Variants in TSR1 observed in about 807,000 individuals in gnomAD.
TSR1 encodes TSR1 ribosome maturation factor.
TSR1 carries 81 observed loss-of-function variants against 90.9 expected under a neutral mutation model. That is an observed-to-expected ratio of 0.89 (90% CI 0.74 to 1.07). TSR1 has a LOEUF of 1.07. Among genes scored for constraint, TSR1 ranks in the 50% least tolerant of loss-of-function variants. The probability of loss-of-function intolerance (pLI) is 0.00; values close to 1 mark genes in which losing one functional copy is unlikely to be tolerated. For missense variants in TSR1, 989 were observed against 987.3 expected, an observed-to-expected ratio of 1.00 and a Z score of -0.02; for synonymous variants, 362 against 348.8, an observed-to-expected ratio of 1.04 and a Z score of -0.42.
chr17:2,323,822 T>G lies in TSR1; in HGVS notation c.*374A>C, dbSNP rs767563893. The G allele has an allele frequency of 3.7e-6, 6 of 1,614,176 alleles. No homozygotes were observed. The highest frequency in any genetic ancestry group is 5.1e-6 in the Non-Finnish European group (6 of 1,180,036). ...ATGTAGACTTAACCTCCTCCATAACTTGGGTGAAGCAGGCTGAAAGGCCAG... is the reference window on the plus strand; with the variant it reads ...ATGTAGACTTAACCTCCTCCATAACGTGGGTGAAGCAGGCTGAAAGGCCAG... On this transcript the variant is annotated 3_prime_UTR_variant, in exon 15 of 15. Coordinates refer to ENST00000301364, the MANE Select transcript of TSR1 (RefSeq NM_018128.5).
chr17:2,331,873 A>G (rs1173784235), intron 8 of TSR1, among the ~76,000 whole-genome samples: 1 of 152,160 alleles, frequency 6.6e-6, no homozygotes, highest in Non-Finnish European at 1.5e-5. Flanking sequence ...TAAAATTTCC[A>G]AACATTATAT....
Position 2,324,568 on chromosome 17 carries a change from C to T in TSR1, c.2172G>A (p.Leu724=). Residue 724 remains leucine (L), a synonymous_variant, in exon 14 of 15, where the codon CTG becomes CTA. Transcript: ENST00000301364. The part of the protein sequence containing the change: ...RYMFFNREDV[L]WFKPVELRTK... ...TTCTCAGTTCCACTGGTTTAAACCACAGCACATCCTCTTAGAATCAAACAC... is the reference window on the plus strand; with the variant it reads ...TTCTCAGTTCCACTGGTTTAAACCATAGCACATCCTCTTAGAATCAAACAC... 2 of 1,614,194 alleles carry T rather than the reference C, an allele frequency of 1.2e-6. No individual in the cohort carries two copies. Among genetic ancestry groups the T allele is most frequent in the Non-Finnish European group, 1.7e-6 (2 of 1,180,036 alleles).
Position 2,323,921 on chromosome 17 carries a change from G to A in TSR1, c.*275C>T. On this transcript the variant is annotated 3_prime_UTR_variant, in exon 15 of 15. Coordinates refer to ENST00000301364, the MANE Select transcript of TSR1 (RefSeq NM_018128.5). ...GAATTCAGTGTCTTTAGATACTGAAGACATTTTGTTTCCTAGTATTGTCAA... is the reference window on the plus strand; with the variant it reads ...GAATTCAGTGTCTTTAGATACTGAAAACATTTTGTTTCCTAGTATTGTCAA... 6.6e-7 allele frequency: 1 copy of A among 1,516,688 alleles called. No homozygotes were observed. The highest frequency in any genetic ancestry group is 9.1e-7 in the Non-Finnish European group (1 of 1,098,112). The allele number at this position is 1,516,688 out of a possible 1,614,324, so 94.0% of individuals were successfully genotyped here. A position where few individuals can be genotyped will look rare whatever the true frequency, so the allele number is the denominator to read the frequency against.
intron 8 of TSR1, among the ~76,000 whole-genome samples, 178 bp from the exon 9 acceptor site, chr17:2,331,287 C>A (rs1350078777): frequency 6.6e-6 from 1 of 152,200 alleles, no homozygotes; most frequent in Non-Finnish European, 1.5e-5. Flanking sequence ...CAAGTTCTAT[C>A]GGAACCAAAC....
chr17:2,334,922 A>G (rs778605548), intron 4 of TSR1, 26 bp from the exon 5 acceptor site: 1 of 1,589,356 alleles, frequency 6.3e-7, no homozygotes, highest in South Asian at 1.1e-5. Flanking sequence ...AAAACGCTTC[A>G]TGACCTACTG....
At chr17:2,331,854 C>A (rs538835830) in intron 8 of TSR1, among the ~76,000 whole-genome samples, 1 of 152,288 alleles carries the variant, frequency 6.6e-6, no homozygotes, top group African/African-American at 2.4e-5. Flanking sequence ...CTATTCTACC[C>A]AAACCCCCTA....
At chr17:2,333,486 C>A (rs766814220) in intron 6 of TSR1, 71 bp downstream of exon 6, 1 of 1,598,348 alleles carries the variant, frequency 6.3e-7, no homozygotes, top group Non-Finnish European at 8.6e-7. Context: ...ATAGGGCCCT[C>A]ACTTGGAACA....
chr17:2,330,518 C>A lies in TSR1; in HGVS notation c.1767G>T (p.Gln589His). The A allele has an allele frequency of 6.2e-7, 1 of 1,612,614 alleles. No individual in the cohort carries two copies. The highest frequency in any genetic ancestry group is 2.2e-5 in the East Asian group (1 of 44,870). Residue 589 changes from glutamine (Q) to histidine (H), a missense_variant, in exon 10 of 15, where the codon CAG (glutamine) becomes CAT (histidine). Transcript: ENST00000301364. ...LIAFSLLPHE[Q>H]KMSVLNMVVR... ...TTCCCACAAGACAGCAATTTACCTT[C>A]TGTTCATGAGGTAGTAAAGAAAATG...
In TSR1 at chr17:2,336,439, C is replaced by A; in HGVS notation, c.-12G>T. 6.2e-7 allele frequency: 1 copy of A among 1,607,948 alleles called. No homozygotes were observed. The highest frequency in any genetic ancestry group is 2.2e-5 in the East Asian group (1 of 44,872). ...CGGTGGGCCGCCATGCCGCAGCGCG[C>A]GTGTACGGAGTCAGCACTGCTTCCG... On this transcript the variant is annotated 5_prime_UTR_variant, in exon 1 of 15. Transcript: ENST00000301364.
At chr17:2,335,903 C>T (rs1435425448) in intron 2 of TSR1, 134 bp downstream of exon 2, 2 of 1,222,026 alleles carry the variant, frequency 1.6e-6, no homozygotes, top group African/African-American at 1.5e-5. Flanking sequence ...GAATGCTAGA[C>T]CTGCACGCTC....
chr17:2,324,389 G>T lies in TSR1; in HGVS notation c.2237-15C>A. ...GCCATGGGTACCTAGAAAGACATCA[G>T]AACAAGTCGGTCAAATTAAAAGTAG... On this transcript the variant is annotated splice_polypyrimidine_tract_variant and intron_variant, in intron 14 of 14. Coordinates refer to ENST00000301364, the MANE Select transcript of TSR1 (RefSeq NM_018128.5). The T allele has an allele frequency of 1.3e-6, 2 of 1,589,490 alleles. No individual in the cohort carries two copies. The highest frequency in any genetic ancestry group is 1.7e-6 in the Non-Finnish European group (2 of 1,169,126).
At chr17:2,325,028 T>C (rs753678857) in intron 12 of TSR1, 199 bp from the exon 13 acceptor site, 21 of 626,690 alleles carry the variant, frequency 3.4e-5, no homozygotes, top group Admixed American at 1.7e-4. Flanking sequence ...TCAAGAGAAA[T>C]GATGTATAAC....
intron 8 of TSR1, among the ~76,000 whole-genome samples, chr17:2,331,592 G>GT (rs796458437): frequency 3.3e-5 from 5 of 152,256 alleles, no homozygotes; most frequent in African/African-American, 1.2e-4. Flanking sequence ...TGCCATGATT[G>GT]TAAGTTTCTT....
At chr17:2,331,221 C>T in intron 8 of TSR1, 112 bp from the exon 9 acceptor site, 5 of 889,724 alleles carry the variant, frequency 5.6e-6, no homozygotes, top group Non-Finnish European at 4.9e-6. Context: ...TCCAATCATC[C>T]TCTCTCCAAA....
At chr17:2,329,125 A>G (rs577564737) in intron 11 of TSR1, 3 of 796,784 alleles carry the variant, frequency 3.8e-6, no homozygotes, top group Admixed American at 3.4e-5. Flanking sequence ...CTCATGGCAA[A>G]AAAGCCTCAG....
chr17:2,332,705 T>G (rs889186191), intron 7 of TSR1, among the ~76,000 whole-genome samples: 13 of 151,870 alleles, frequency 8.6e-5, no homozygotes, highest in African/African-American at 2.9e-4. Context: ...GGCATGGTGG[T>G]GGGCGCCTGT....
intron 7 of TSR1, 149 bp from the exon 8 acceptor site, chr17:2,332,508 T>C (rs947704588): frequency 8.3e-6 from 6 of 724,982 alleles, no homozygotes; most frequent in African/African-American, 1.8e-5. Context: ...AACAAAAGCC[T>C]CATTCCTGGC....
chr17:2,328,757 A>T (rs2075588530), intron 11 of TSR1, among the ~76,000 whole-genome samples: 1 of 151,444 alleles, frequency 6.6e-6, no homozygotes, highest in Non-Finnish European at 1.5e-5. Flanking sequence ...TCTACTAAAA[A>T]TACAAAAAAT....
In TSR1 at chr17:2,325,945, A is replaced by G. The variant is rs184277750; in HGVS notation, c.1904-525T>C. Among the ~76,000 whole-genome samples, 62 of 152,036 alleles carry G rather than the reference A, an allele frequency of 4.1e-4. No individual in the cohort carries two copies. The East Asian group carries it at 4.6e-3, about 11-fold the overall frequency. On this transcript the variant is annotated intron_variant, in intron 11 of 14. Transcript: ENST00000301364. Reference sequence around the variant, plus strand: ...ACTTTTTATTTATTTATTTATTTTGAGATGGTGTCTCGCTCTTGTTGCCCA... The same window carrying G: ...ACTTTTTATTTATTTATTTATTTTGGGATGGTGTCTCGCTCTTGTTGCCCA...
Sources: allele counts gnomAD v4.1 joint callset (sites outside exome capture counted in the v4.1 genomes callset), GRCh38; gene constraint gnomAD v4.1.1; transcripts MANE v1.5; gene names NCBI Gene and HGNC (gene_info 2026-07-23, HGNC 2026-07-21).